The following ZNF41 variants were observed in gnomAD, a reference collection of about 807,000 sequenced individuals.
ZNF41 encodes the protein zinc finger protein 41.
Under a neutral mutation model 9.3 loss-of-function variants are expected in ZNF41, and 6 were observed. The observed-to-expected ratio is 0.65, with a 90% CI of 0.35 to 1.28. The LOEUF (loss-of-function observed/expected upper bound fraction) is 1.28. Ranked by LOEUF, ZNF41 falls within the 50% of genes most tolerant of loss-of-function variation. The probability of loss-of-function intolerance (pLI) is 0.03; values close to 1 mark genes in which losing one functional copy is unlikely to be tolerated. For synonymous variants in ZNF41, 192 were observed against 207.1 expected, an observed-to-expected ratio of 0.93 and a Z score of 0.63; for missense variants, 523 against 585.8, an observed-to-expected ratio of 0.89 and a Z score of 1.11.
chrX:47,456,461 T>TAG (rs2056568686), intron 2 of ZNF41, 63 bp from the exon 3 acceptor site: 8 of 1,204,060 alleles, frequency 6.6e-6, no homozygotes, highest in Non-Finnish European at 9.0e-6. Context: ...AGAAGGTAGA[T>TAG]AGCAAGTTGT....
chrX:47,463,710 C>A (rs2056893904), intron 2 of ZNF41, among the ~76,000 whole-genome samples: 1 of 111,345 alleles, frequency 9.0e-6, no homozygotes, highest in Non-Finnish European at 1.9e-5. Context: ...GGCTGCCCCC[C>A]AGCCTCAGTG....
In ZNF41 at chrX:47,453,134, GC is replaced by G. The variant is rs1481559048; in HGVS notation, c.295+2786del. Among the ~76,000 whole-genome samples the G allele has an allele frequency of 9.9e-5, 11 of 110,811 alleles. No individual in the cohort carries two copies. The East Asian group carries it at 3.1e-3, about 31-fold the overall frequency. On this transcript the variant is annotated intron_variant, in intron 4 of 4. Coordinates refer to ENST00000684689, the MANE Select transcript of ZNF41 (RefSeq NM_001324144.2). ...AATAGAGATGGAATCTTGTTGTGTTGCCCAGGCTGGTCTTGAACTCCTGGCC... is the reference window on the plus strand; with the variant it reads ...AATAGAGATGGAATCTTGTTGTGTTGCCAGGCTGGTCTTGAACTCCTGGCC...
chrX:47,473,748 T>C lies in ZNF41; in HGVS notation c.-279-5988A>G, dbSNP rs751627281. Among the ~76,000 whole-genome samples, 485 of 112,382 alleles carry C rather than the reference T, an allele frequency of 4.3e-3. 2 individuals carry two copies. The highest frequency in any genetic ancestry group is 0.015 in the African/African-American group (468 of 31,071). ...AAATGGTACATTTTAACTATTTTCC[T>C]TTCTTTGAATTTTGGTCTTTACCAA... On this transcript the variant is annotated intron_variant, in intron 1 of 4. Coordinates refer to ENST00000684689, the MANE Select transcript of ZNF41 (RefSeq NM_001324144.2).
chrX:47,465,395 A>G (rs867476113), intron 2 of ZNF41, among the ~76,000 whole-genome samples: 4 of 112,179 alleles, frequency 3.6e-5, no homozygotes, highest in African/African-American at 1.3e-4. Flanking sequence ...ATGTTATTTC[A>G]AAATTGCAAA....
chrX:47,451,826 A>AGATTGCACC (rs1187129958), intron 4 of ZNF41, among the ~76,000 whole-genome samples: 1 of 112,285 alleles, frequency 8.9e-6, no homozygotes, highest in East Asian at 2.8e-4. Flanking sequence ...CAGTGAGCCA[A>AGATTGCACC]GATTGCACCA....
rs774253651 is a variant in ZNF41 at position 47,456,387 on chromosome X, T to C, written c.84A>G (p.Ser28=). ...GRGSSCEASV[S]FEDVTVDFSK... Reference sequence around the variant, plus strand: ...TGAAGTCCACAGTCACGTCCTCAAATGACACTGAAGCCTGTAACGACACAA... The same window carrying C: ...TGAAGTCCACAGTCACGTCCTCAAACGACACTGAAGCCTGTAACGACACAA... The change falls in exon 3 of 5, where the codon TCA becomes TCG. Residue 28 remains serine (S), a synonymous_variant. Coordinates refer to ENST00000684689, the MANE Select transcript of ZNF41 (RefSeq NM_001324144.2). 1.7e-6 allele frequency: 2 copies of C among 1,211,433 alleles called. No individual in the cohort carries two copies. Among genetic ancestry groups the C allele is most frequent in the East Asian group, 3.0e-5 (1 of 33,839 alleles).
Position 47,449,191 on chromosome X carries a change from G to C in ZNF41, c.579C>G (p.Asp193Glu). The stretch of plus-strand genomic sequence containing the variant: ...AGTTTAAAGTATGCTTCAAAATTGT[G>C]TCACAGTTATGGAGTCTTTTAATTG... ...VPSIKRLHNC[D>E]TILKHTLNSH... Residue 193 changes from aspartate (D) to glutamate (E), a missense_variant, in exon 5 of 5, where the codon GAC (aspartate) becomes GAG (glutamate). Transcript: ENST00000684689. 2 of 1,211,214 alleles carry C rather than the reference G, an allele frequency of 1.7e-6. No homozygotes were observed. Among genetic ancestry groups the C allele is most frequent in the South Asian group, 3.5e-5 (2 of 56,962 alleles).
At chrX:47,455,828 G>T in intron 4 of ZNF41, 93 bp downstream of exon 4, 1 of 855,440 alleles carries the variant, frequency 1.2e-6, no homozygotes, top group Non-Finnish European at 1.7e-6. Flanking sequence ...TTCAAGATGG[G>T]TTATCTTCAG....
Position 47,467,604 on chromosome X carries a change from G to T in ZNF41, c.-123C>A. 1 of 848,966 alleles carries T rather than the reference G, an allele frequency of 1.2e-6. No homozygotes were observed. Among genetic ancestry groups the T allele is most frequent in the Non-Finnish European group, 1.7e-6 (1 of 597,053 alleles). The allele number at this position is 848,966 out of a possible 1,213,427, so 70.0% of individuals were successfully genotyped here. On this transcript the variant is annotated 5_prime_UTR_variant, in exon 2 of 5. The change creates a new upstream start codon in the 5' untranslated region. Coordinates refer to ENST00000684689, the MANE Select transcript of ZNF41 (RefSeq NM_001324144.2). Reference sequence around the variant, plus strand: ...GCTGGGGCGAGGCAAGCAGGGGTCAGAAGGAAGATCCTGCAGTTTCCACTA... The same window carrying T: ...GCTGGGGCGAGGCAAGCAGGGGTCATAAGGAAGATCCTGCAGTTTCCACTA...
chrX:47,457,271 G>A (rs768062147), intron 2 of ZNF41, among the ~76,000 whole-genome samples: 96 of 110,660 alleles, frequency 8.7e-4, no homozygotes, highest in African/African-American at 3.1e-3. Context: ...TTAGCTGGGC[G>A]TGGTGGCGCA....
chrX:47,448,589 T>C lies in ZNF41; in HGVS notation c.1181A>G (p.Gln394Arg). Residue 394 changes from glutamine (Q) to arginine (R), a missense_variant, in exon 5 of 5, where the codon CAG (glutamine) becomes CGG (arginine). Coordinates refer to ENST00000684689, the MANE Select transcript of ZNF41 (RefSeq NM_001324144.2). ...ECSECGKGFS[Q>R]NSDLSIHQKT... ...CTGATGTATACTGAGGTCTGAGTTC[T>C]GGGAGAAGCCTTTTCCACATTCACT... 1 of 1,212,139 alleles carries C rather than the reference T, an allele frequency of 8.2e-7. No homozygotes were observed. The highest frequency in any genetic ancestry group is 1.1e-6 in the Non-Finnish European group (1 of 895,611).
chrX:47,454,853 A>T lies in ZNF41; in HGVS notation c.295+1068T>A, dbSNP rs1228541514. Among the ~76,000 whole-genome samples the T allele has an allele frequency of 8.9e-5, 10 of 112,187 alleles. No homozygotes were observed. The Admixed American group carries it at 9.6e-4, about 11-fold the overall frequency. On this transcript the variant is annotated intron_variant, in intron 4 of 4. Transcript: ENST00000684689. ...ATACATACTCATAAACCAATACTTC[A>T]GGCTTTAAGAGAATATCACACAATT...
At chrX:47,465,410 G>A (rs1268278733) in intron 2 of ZNF41, among the ~76,000 whole-genome samples, 1 of 112,000 alleles carries the variant, frequency 8.9e-6, no homozygotes, top group Non-Finnish European at 1.9e-5. Flanking sequence ...TGCAAAGGGA[G>A]CAGATTTTAA....
At chrX:47,476,870 A>G (rs2057345529) in intron 1 of ZNF41, 1 of 103,368 alleles carries the variant, frequency 9.7e-6, no homozygotes, top group Non-Finnish European at 2.0e-5. Flanking sequence ...CAGCCTGGCA[A>G]CATGGTGAAA....
chrX:47,453,509 T>C (rs1258672675), intron 4 of ZNF41, among the ~76,000 whole-genome samples: 2 of 111,871 alleles, frequency 1.8e-5, no homozygotes, highest in Non-Finnish European at 3.8e-5. Context: ...ATATTAAAAA[T>C]GGAGTTGAGC....
intron 2 of ZNF41, among the ~76,000 whole-genome samples, chrX:47,466,213 A>T (rs866316425): frequency 9.9e-5 from 11 of 111,059 alleles, no homozygotes; most frequent in African/African-American, 1.6e-4. Flanking sequence ...AAAAAAATTT[A>T]AAAGTTTAAT....
chrX:47,454,175 A>T (rs1229933775), intron 4 of ZNF41, among the ~76,000 whole-genome samples: 3 of 111,318 alleles, frequency 2.7e-5, no homozygotes, highest in African/African-American at 9.8e-5. Flanking sequence ...AAAGGGGCAA[A>T]TAATAAATGG....
At chrX:47,477,410 C>A (rs1247263468) in intron 1 of ZNF41, among the ~76,000 whole-genome samples, 3 of 111,173 alleles carry the variant, frequency 2.7e-5, no homozygotes, top group Non-Finnish European at 5.7e-5. Flanking sequence ...TCCCAAAGTG[C>A]TGGGATTACA....
At chrX:47,466,299 G>A (rs190758395) in intron 2 of ZNF41, among the ~76,000 whole-genome samples, 3 of 111,443 alleles carry the variant, frequency 2.7e-5, no homozygotes, top group African/African-American at 9.8e-5. Context: ...CCACAGGTAG[G>A]TCTGAAAGGA....
Sources: gnomAD v4.1 joint callset for allele counts (sites outside exome capture counted in the v4.1 genomes callset) on GRCh38, gnomAD v4.1.1 for gene constraint, MANE v1.5 for transcripts, NCBI Gene and HGNC (gene_info 2026-07-23, HGNC 2026-07-21) for gene names.